The following CNTNAP5 variants were observed in gnomAD, a reference collection of about 807,000 sequenced individuals.
The protein encoded by CNTNAP5 is contactin associated protein family member 5, also known as contactin-associated protein-like 5.
A neutral mutation model predicts 150.2 loss-of-function variants in CNTNAP5; 72 were observed. That is an observed-to-expected ratio of 0.48 (90% CI 0.40 to 0.58). CNTNAP5 has a LOEUF of 0.58. CNTNAP5 is among the 20% of genes least tolerant of loss of function. CNTNAP5 has a pLI of 0.00. For synonymous variants in CNTNAP5, 672 were observed against 619.8 expected, an observed-to-expected ratio of 1.08 and a Z score of -1.25; for missense variants, 1,636 against 1,626.2, an observed-to-expected ratio of 1.01 and a Z score of -0.10.
chr2:124,473,862 G>A (rs78481831), intron 6 of CNTNAP5, among the ~76,000 whole-genome samples: 3 of 152,114 alleles, frequency 2.0e-5, no homozygotes, highest in Non-Finnish European at 2.9e-5. Flanking sequence ...GGCAATTTGT[G>A]TTAATACTAA....
Position 124,876,499 on chromosome 2 carries a change from G to A in CNTNAP5, c.3436+6737G>A, listed in dbSNP as rs546676160. 6.6e-5 allele frequency among the ~76,000 whole-genome samples: 10 copies of A among 151,908 alleles called. No individual in the cohort carries two copies. In the South Asian group the frequency reaches 2.1e-3, roughly 32 times the overall value. On this transcript the variant is annotated intron_variant, in intron 21 of 23. Transcript: ENST00000682447. ...AGGGTGCAGTTATAGCCATGGGCTAGGAATTGTGGCTCATTTGGGGAAAGG... is the reference window on the plus strand; with the variant it reads ...AGGGTGCAGTTATAGCCATGGGCTAAGAATTGTGGCTCATTTGGGGAAAGG...
chr2:124,109,887 A>G (rs1195938810), intron 1 of CNTNAP5, among the ~76,000 whole-genome samples: 1 of 152,204 alleles, frequency 6.6e-6, no homozygotes, highest in Non-Finnish European at 1.5e-5. Context: ...TTTATCTTAC[A>G]TTGAGCTCCT....
intron 11 of CNTNAP5, among the ~76,000 whole-genome samples, chr2:124,592,297 A>T (rs1169898021): frequency 6.6e-6 from 1 of 151,998 alleles, no homozygotes; most frequent in African/African-American, 2.4e-5. Flanking sequence ...GATATTGCTA[A>T]ATTCCACATT....
At chr2:124,283,508 A>G (rs552499934) in intron 3 of CNTNAP5, among the ~76,000 whole-genome samples, 1 of 152,282 alleles carries the variant, frequency 6.6e-6, no homozygotes, top group East Asian at 1.9e-4. Flanking sequence ...CTTGTAAGCC[A>G]ACTCTGGTTG....
chr2:124,798,201 A>G lies in CNTNAP5; in HGVS notation c.3098A>G (p.Asp1033Gly). Residue 1033 changes from aspartate (D) to glycine (G), a missense_variant, in exon 19 of 24, where the codon GAT becomes GGT. Coordinates refer to ENST00000682447, the MANE Select transcript of CNTNAP5 (RefSeq NM_001367498.1). ...CTCTCATCCTCAGCTATTTACACAGATTCAGCTCCATCCAAGGAAAACATT... is the reference window on the plus strand; with the variant it reads ...CTCTCATCCTCAGCTATTTACACAGGTTCAGCTCCATCCAAGGAAAACATT... ...ISLSSSAIYT[D>G]SAPSKENIAL... 1 of 1,613,866 alleles carries G rather than the reference A, an allele frequency of 6.2e-7. No individual in the cohort carries two copies. Among genetic ancestry groups the G allele is most frequent in the Non-Finnish European group, 8.5e-7 (1 of 1,179,784 alleles).
At chr2:124,704,638 T>C (rs2105093763) in intron 13 of CNTNAP5, among the ~76,000 whole-genome samples, 1 of 152,290 alleles carries the variant, frequency 6.6e-6, no homozygotes, top group East Asian at 1.9e-4. Flanking sequence ...TGTTTGCCTA[T>C]GTATAAAAAG....
intron 3 of CNTNAP5, among the ~76,000 whole-genome samples, chr2:124,414,193 T>C (rs1303668202): frequency 6.6e-6 from 1 of 151,788 alleles, no homozygotes; most frequent in Non-Finnish European, 1.5e-5. Flanking sequence ...ACAACTGAGA[T>C]GGCTTTGAAT....
intron 17 of CNTNAP5, among the ~76,000 whole-genome samples, chr2:124,774,315 G>C (rs1009355294): frequency 6.6e-6 from 1 of 151,840 alleles, no homozygotes; most frequent in Admixed American, 6.6e-5. Context: ...TTTAAATTTA[G>C]GTTTGTGCAA....
At chr2:124,444,191 T>G (rs1692747474) in intron 5 of CNTNAP5, among the ~76,000 whole-genome samples, 1 of 152,120 alleles carries the variant, frequency 6.6e-6, no homozygotes, top group Non-Finnish European at 1.5e-5. Context: ...TCCTGTACTC[T>G]TCTTGCCTGA....
intron 3 of CNTNAP5, among the ~76,000 whole-genome samples, chr2:124,322,488 G>A (rs769063947): frequency 6.6e-6 from 1 of 152,128 alleles, no homozygotes; most frequent in Non-Finnish European, 1.5e-5. Context: ...GGTAGGACAG[G>A]CATGTAATAT....
intron 1 of CNTNAP5, among the ~76,000 whole-genome samples, chr2:124,105,857 C>G (rs1447138731): frequency 1.3e-5 from 2 of 151,688 alleles, no homozygotes; most frequent in African/African-American, 4.8e-5. Flanking sequence ...TGATGCTTTC[C>G]TAGTGATTAT....
chr2:124,045,749 A>C (rs770075142), intron 1 of CNTNAP5, among the ~76,000 whole-genome samples: 12 of 152,212 alleles, frequency 7.9e-5, no homozygotes, highest in Non-Finnish European at 1.5e-4. Context: ...GACAATCTCT[A>C]TTACTGGCTT....
chr2:124,366,878 G>C (rs1307314865), intron 3 of CNTNAP5, among the ~76,000 whole-genome samples: 3 of 152,180 alleles, frequency 2.0e-5, no homozygotes, highest in African/African-American at 7.2e-5. Flanking sequence ...ATTGGCCAAA[G>C]AGGTTCTCTT....
chr2:124,587,875 T>G (rs879943058), intron 11 of CNTNAP5, among the ~76,000 whole-genome samples: 11 of 152,052 alleles, frequency 7.2e-5, no homozygotes, highest in Non-Finnish European at 1.6e-4. Flanking sequence ...AAAAGTAAGA[T>G]TACTAGGAAA....
At chr2:124,027,569 G>A (rs1680931519) in intron 1 of CNTNAP5, among the ~76,000 whole-genome samples, 1 of 152,152 alleles carries the variant, frequency 6.6e-6, no homozygotes, top group Non-Finnish European at 1.5e-5. Context: ...ATTGAATTAT[G>A]GTTAATGTGT....
chr2:124,567,576 C>T (rs575598108), intron 11 of CNTNAP5, among the ~76,000 whole-genome samples: 5 of 152,132 alleles, frequency 3.3e-5, no homozygotes, highest in East Asian at 3.9e-4. Flanking sequence ...CAGGAGTAAC[C>T]GAATAAAAAC....
At chr2:124,270,836 C>T (rs894656830) in intron 3 of CNTNAP5, among the ~76,000 whole-genome samples, 1 of 152,116 alleles carries the variant, frequency 6.6e-6, no homozygotes, top group Non-Finnish European at 1.5e-5. Context: ...GTCAAAATGT[C>T]AGATCTCTTT....
At chr2:124,031,675 G>A (rs573459406) in intron 1 of CNTNAP5, among the ~76,000 whole-genome samples, 3 of 152,196 alleles carry the variant, frequency 2.0e-5, no homozygotes, top group South Asian at 4.1e-4. Context: ...TCAAGTTGGA[G>A]CCAATTTTAT....
intron 13 of CNTNAP5, among the ~76,000 whole-genome samples, chr2:124,656,020 A>AAGGAAGGG (rs1678447978): frequency 2.1e-5 from 3 of 146,318 alleles, no homozygotes; most frequent in Non-Finnish European, 4.5e-5. Flanking sequence ...GGAAGGAAGG[A>AAGGAAGGG]AGGGAGGGCA....
Sources: gnomAD v4.1 joint callset for allele counts (sites outside exome capture counted in the v4.1 genomes callset) on GRCh38, gnomAD v4.1.1 for gene constraint, MANE v1.5 for transcripts, NCBI Gene and HGNC (gene_info 2026-07-23, HGNC 2026-07-21) for gene names.